CFAP70: variants seen among roughly 807,000 people sequenced by gnomAD.
The protein encoded by CFAP70 is cilia- and flagella-associated protein 70.
A neutral mutation model predicts 137.6 loss-of-function variants in CFAP70; 81 were observed. The ratio of observed to expected loss-of-function variants is 0.59; its 90% CI spans 0.49 to 0.71. The LOEUF (loss-of-function observed/expected upper bound fraction) is 0.71, where lower values mean the gene tolerates loss of function less well. CFAP70 is among the 30% of genes least tolerant of loss of function. The probability of loss-of-function intolerance (pLI) is 0.00; values close to 1 mark genes in which losing one functional copy is unlikely to be tolerated. For synonymous variants in CFAP70, 382 were observed against 423.6 expected (o/e 0.90, Z 1.20); for missense variants, 976 against 1,226.7 (o/e 0.80, Z 3.05).
intron 4 of CFAP70, chr10:73,345,226 T>G: frequency 6.2e-7 from 1 of 1,614,108 alleles, no homozygotes; most frequent in Non-Finnish European, 8.5e-7. Flanking sequence ...ACTAATACTT[T>G]AACTTCAAGA....
exon 27 of CFAP70, chr10:73,253,930 A>G (rs1297014681): frequency 5.4e-6 from 8 of 1,476,716 alleles, no homozygotes; most frequent in Admixed American, 1.7e-5. Context: ...TGGGAAGGAA[A>G]GGAACTCAGA....
intron 3 of CFAP70, among the ~76,000 whole-genome samples, chr10:73,349,949 T>A (rs745967836): frequency 2.6e-5 from 4 of 152,152 alleles, no homozygotes; most frequent in Non-Finnish European, 5.9e-5. Context: ...AAAACCACAA[T>A]CAGTTTACCA....
intron 14 of CFAP70, among the ~76,000 whole-genome samples, chr10:73,297,495 A>AGGG (rs1044200937): frequency 6.6e-6 from 1 of 152,214 alleles, no homozygotes; most frequent in Non-Finnish European, 1.5e-5. Flanking sequence ...TATGGTTCAA[A>AGGG]GGGGAAAGGG....
chr10:73,291,265 T>C (rs375255944), exon 19 of CFAP70: 15 of 1,614,062 alleles, frequency 9.3e-6, no homozygotes, highest in Non-Finnish European at 1.3e-5. Flanking sequence ...GCAGAACCAT[T>C]TGTGATTCCC....
At chr10:73,263,693 T>C (rs892455011) in intron 25 of CFAP70, among the ~76,000 whole-genome samples, 3 of 152,236 alleles carry the variant, frequency 2.0e-5, no homozygotes, top group African/African-American at 4.8e-5. Flanking sequence ...ATTTATTACA[T>C]TGCTATCTGC....
intron 24 of CFAP70, among the ~76,000 whole-genome samples, chr10:73,272,257 C>G (rs958114781): frequency 1.3e-5 from 2 of 152,086 alleles, no homozygotes; most frequent in African/African-American, 4.8e-5. Context: ...ATCACTTGAA[C>G]CCAGGAGGCA....
intron 9 of CFAP70, 39 bp downstream of exon 10, chr10:73,322,924 A>T (rs1267067419): frequency 6.4e-7 from 1 of 1,550,830 alleles, no homozygotes; most frequent in South Asian, 1.2e-5. Flanking sequence ...TATATAAAGG[A>T]TAAATTACCA....
At chr10:73,266,946 CTTTA>C (rs903686882) in intron 25 of CFAP70, among the ~76,000 whole-genome samples, 2 of 149,598 alleles carry the variant, frequency 1.3e-5, no homozygotes, top group African/African-American at 2.5e-5. Context: ...CCCTTTACTA[CTTTA>C]TTTATTTAAA....
intron 12 of CFAP70, among the ~76,000 whole-genome samples, chr10:73,307,724 C>T (rs946466734): frequency 1.3e-5 from 2 of 152,076 alleles, no homozygotes; most frequent in African/African-American, 2.4e-5. Flanking sequence ...TACAACAGAA[C>T]CCCAAAATTT....
At chr10:73,314,618 A>G (rs2050187709) in intron 9 of CFAP70, among the ~76,000 whole-genome samples, 2 of 151,664 alleles carry the variant, frequency 1.3e-5, no homozygotes, top group Admixed American at 1.3e-4. Flanking sequence ...TTAGTTATTT[A>G]TTTATTTGAG....
chr10:73,298,811 T>C (rs140197525), intron 14 of CFAP70, 96 bp downstream of exon 15: 12,964 of 1,125,142 alleles, frequency 0.012, 101 homozygotes, highest in Non-Finnish European at 0.014. Flanking sequence ...GGTAAGAGTA[T>C]AGCTGAACAT....
chr10:73,269,573 G>T, intron 25 of CFAP70, 41 bp downstream of exon 26: 1 of 1,433,958 alleles, frequency 7.0e-7, no homozygotes, highest in Non-Finnish European at 9.8e-7. Flanking sequence ...CCTCACCTCT[G>T]TGCCCTAAAA....
intron 25 of CFAP70, among the ~76,000 whole-genome samples, chr10:73,260,213 AGTG>A (rs2045012963): frequency 6.6e-6 from 1 of 151,910 alleles, no homozygotes; most frequent in Non-Finnish European, 1.5e-5. Flanking sequence ...ATTATCCAGG[AGTG>A]GTGGTGCATG....
chr10:73,273,994 G>T (rs554546666), intron 23 of CFAP70, among the ~76,000 whole-genome samples: 1 of 152,306 alleles, frequency 6.6e-6, no homozygotes, highest in Admixed American at 6.5e-5. Flanking sequence ...AATATGGGGA[G>T]GGACTGCTTC....
chr10:73,331,797 A>T (rs2052127206), intron 7 of CFAP70, among the ~76,000 whole-genome samples: 1 of 152,350 alleles, frequency 6.6e-6, no homozygotes, highest in East Asian at 1.9e-4. Context: ...TTGTTAGAGC[A>T]ATTTAACAAT....
At chr10:73,256,010 T>C (rs1308961436) in intron 26 of CFAP70, among the ~76,000 whole-genome samples, 2 of 152,200 alleles carry the variant, frequency 1.3e-5, no homozygotes, top group African/African-American at 2.4e-5. Context: ...AGAAAATGTT[T>C]GCTGATCCCT....
chr10:73,355,593 C>T (rs116930028), intron 1 of CFAP70, among the ~76,000 whole-genome samples: 9,215 of 152,158 alleles, frequency 0.061, 393 homozygotes, highest in Non-Finnish European at 0.098. Flanking sequence ...CTGTCCAATA[C>T]GGTGAAACCC....
chr10:73,330,911 G>A lies in CFAP70; in HGVS notation c.777+266C>T, dbSNP rs922950411. On this transcript the variant is annotated intron_variant, in intron 8 of 26. Transcript: ENST00000310715. ...GGGCCAAAGAGAAATAGGATATCTG[G>A]TAATAAAGCCTAGAGAGTCTTTAGT... Among the ~76,000 whole-genome samples the A allele has an allele frequency of 2.6e-5, 4 of 152,168 alleles. No homozygotes were observed. The East Asian group carries it at 7.7e-4, about 29-fold the overall frequency.
intron 12 of CFAP70, among the ~76,000 whole-genome samples, chr10:73,307,620 G>A (rs2049500176): frequency 1.3e-5 from 2 of 151,874 alleles, no homozygotes; most frequent in African/African-American, 4.8e-5. Flanking sequence ...AGACAAATAA[G>A]GACATTAAAT....
Sources: allele counts gnomAD v4.1 joint callset (sites outside exome capture counted in the v4.1 genomes callset), GRCh38; gene constraint gnomAD v4.1.1; transcripts MANE v1.5; gene names NCBI Gene and HGNC (gene_info 2026-07-23, HGNC 2026-07-21).